Variants in CLDN14 observed in about 807,000 individuals in gnomAD.
CLDN14 encodes claudin-14.
CLDN14 carries 2 observed loss-of-function variants against 2.1 expected under a neutral mutation model. That is an observed-to-expected ratio of 0.96 (90% CI 0.39 to 3.01). The LOEUF is 3.01. Among genes scored for constraint, CLDN14 ranks in the 30% most tolerant of loss-of-function variants. CLDN14 has a pLI of 0.09. For missense variants in CLDN14, 298 were observed against 328.0 expected (o/e 0.91, Z 0.71); for synonymous variants, 136 against 154.4 (o/e 0.88, Z 0.88).
In CLDN14 at chr21:36,478,320, G is replaced by T. The variant is rs547257436; in HGVS notation, c.-82+1175C>A. On this transcript the variant is annotated intron_variant, in intron 1 of 1. Transcript: ENST00000399135. ...AGATTGGAGCCAGATAAGGATGGGG[G>T]CTGGCGCTGGCTTCAATTCTGACTA... is the stretch of plus-strand genomic sequence containing the variant. 3.9e-5 allele frequency among the ~76,000 whole-genome samples: 6 copies of T among 152,312 alleles called. No individual in the cohort carries two copies. The South Asian group carries it at 1.2e-3, about 32-fold the overall frequency.
chr21:36,468,255 G>C (rs1247923640), intron 1 of CLDN14, among the ~76,000 whole-genome samples: 2 of 152,130 alleles, frequency 1.3e-5, no homozygotes, highest in Non-Finnish European at 2.9e-5. Context: ...CCAACCAAAT[G>C]GCCTCTTCAT....
chr21:36,531,233 AAATT>A (rs2087377095), intron 1 of CLDN14, among the ~76,000 whole-genome samples: 1 of 152,100 alleles, frequency 6.6e-6, no homozygotes, highest in Admixed American at 6.5e-5. Context: ...TCTTGAAAAA[AAATT>A]AATAATGTTA....
chr21:36,563,674 G>T (rs1345600758), intron 1 of CLDN14, among the ~76,000 whole-genome samples: 1 of 152,138 alleles, frequency 6.6e-6, no homozygotes, highest in African/African-American at 2.4e-5. Flanking sequence ...GAAAATGTTG[G>T]CTCCCATGGA....
chr21:36,501,216 T>C (rs1368809913), intron 2 of CLDN14, among the ~76,000 whole-genome samples: 1 of 152,122 alleles, frequency 6.6e-6, no homozygotes, highest in South Asian at 2.1e-4. Context: ...TTGCATGAAA[T>C]GTATCTGCCC....
upstream of CLDN14, among the ~76,000 whole-genome samples, chr21:36,482,411 C>CGGATGGAT (rs75061949): frequency 0.043 from 6,119 of 142,162 alleles, 175 homozygotes; most frequent in Admixed American, 0.068. Context: ...GATGGATAGA[C>CGGATGGAT]GGATGGATGG....
At chr21:36,547,380 G>A (rs1009348941) in intron 1 of CLDN14, among the ~76,000 whole-genome samples, 4 of 152,138 alleles carry the variant, frequency 2.6e-5, no homozygotes, top group South Asian at 2.1e-4. Flanking sequence ...CATGGAGTAC[G>A]TGGATGTTTT....
At chr21:36,501,409 G>A (rs903528870) in intron 2 of CLDN14, among the ~76,000 whole-genome samples, 1 of 118,066 alleles carries the variant, frequency 8.5e-6, no homozygotes, top group African/African-American at 3.1e-5. Context: ...AGTGTGAGTT[G>A]TAGAAACCAG....
At chr21:36,513,705 C>G (rs1360330353) in intron 1 of CLDN14, among the ~76,000 whole-genome samples, 1 of 152,154 alleles carries the variant, frequency 6.6e-6, no homozygotes, top group Non-Finnish European at 1.5e-5. Context: ...TCATCCTGAG[C>G]TAGGGTCACT....
Position 36,497,360 on chromosome 21 carries a change from AGCGAGGG to A in CLDN14, c.-82+12996_-82+13002del, listed in dbSNP as rs2087042852. Among the ~76,000 whole-genome samples the A allele has an allele frequency of 4.1e-4, 2 of 4,896 alleles. 1 individual carries two copies. The highest frequency in any genetic ancestry group is 1.1e-3 in the Non-Finnish European group (2 of 1,826). The allele number at this position is 4,896 out of a possible 152,430, so 3.2% of individuals were successfully genotyped here. Reference sequence around the variant, plus strand: ...GAGGAAGGGAGGGAGGGAGGGAGGGAGCGAGGGAGGGAGGGAGGGAGGGAGGGAGGAA... The same window carrying A: ...GAGGAAGGGAGGGAGGGAGGGAGGGAAGGGAGGGAGGGAGGGAGGGAGGAA... On this transcript the variant is annotated intron_variant, in intron 2 of 2. Transcript: ENST00000342108.
chr21:36,565,462 T>C (rs556850089), intron 1 of CLDN14, among the ~76,000 whole-genome samples: 1 of 152,170 alleles, frequency 6.6e-6, no homozygotes, highest in South Asian at 2.1e-4. Flanking sequence ...GTTGGAAAGA[T>C]TCATAAAGCT....
intron 1 of CLDN14, among the ~76,000 whole-genome samples, chr21:36,543,714 C>T (rs1280386440): frequency 1.3e-5 from 2 of 151,844 alleles, no homozygotes; most frequent in East Asian, 1.9e-4. Context: ...GGCGGAGCTG[C>T]GACTTGAACC....
rs1042964669 is a variant in CLDN14, at chr21:36,569,156, G to A, written c.-220+7255C>T. Among the ~76,000 whole-genome samples the A allele has an allele frequency of 3.3e-5, 5 of 152,238 alleles. No individual in the cohort carries two copies. In the East Asian group the frequency reaches 5.8e-4, roughly 18 times the overall value. ...GTCTCGGGGTGGGGGCGTGGCTCAC[G>A]CCAGTGATCCCAGCACTTTGGGAGG... On this transcript the variant is annotated intron_variant, in intron 1 of 2. Transcript: ENST00000342108.
intron 2 of CLDN14, chr21:36,486,940 G>T: frequency 1.8e-6 from 1 of 549,394 alleles, no homozygotes; most frequent in Non-Finnish European, 3.5e-6. Flanking sequence ...ATTAGCCAGT[G>T]TGATGAGGGC....
chr21:36,550,089 G>A (rs551967089), intron 1 of CLDN14, among the ~76,000 whole-genome samples: 14 of 152,338 alleles, frequency 9.2e-5, no homozygotes, highest in Non-Finnish European at 1.3e-4. Context: ...AATTGGAGTC[G>A]TTGAAGGCTG....
At chr21:36,476,146 C>CACCTACCCAT (rs1277821685) in intron 1 of CLDN14, among the ~76,000 whole-genome samples, 17 of 152,168 alleles carry the variant, frequency 1.1e-4, no homozygotes, top group Non-Finnish European at 1.5e-5. Context: ...AATATTGTCT[C>CACCTACCCAT]ACCTACCCAT....
At chr21:36,568,761 C>A (rs919555890) in intron 1 of CLDN14, among the ~76,000 whole-genome samples, 2 of 152,126 alleles carry the variant, frequency 1.3e-5, no homozygotes, top group African/African-American at 2.4e-5. Context: ...TTTTCTACAC[C>A]CTCTTTCCTC....
At chr21:36,554,209 G>C (rs1240830459) in intron 1 of CLDN14, among the ~76,000 whole-genome samples, 1 of 152,160 alleles carries the variant, frequency 6.6e-6, no homozygotes, top group Admixed American at 6.5e-5. Context: ...GCCCTTTCAT[G>C]AGACAGCATC....
At chr21:36,530,309 G>T (rs1365535487) in intron 1 of CLDN14, among the ~76,000 whole-genome samples, 2 of 152,012 alleles carry the variant, frequency 1.3e-5, no homozygotes, top group Non-Finnish European at 2.9e-5. Flanking sequence ...AGTGGCGGGG[G>T]GTGGGTGGGC....
At chr21:36,528,124 CTGTT>C (rs1426881051) in intron 1 of CLDN14, among the ~76,000 whole-genome samples, 3 of 152,172 alleles carry the variant, frequency 2.0e-5, no homozygotes, top group Admixed American at 1.3e-4. Flanking sequence ...TTCAACTTCT[CTGTT>C]TGATTCCAGC....
Sources: allele counts gnomAD v4.1 joint callset (sites outside exome capture counted in the v4.1 genomes callset), GRCh38; gene constraint gnomAD v4.1.1; transcripts MANE v1.5; gene names NCBI Gene and HGNC (gene_info 2026-07-23, HGNC 2026-07-21).